DPP6: variants seen among roughly 807,000 people sequenced by gnomAD.
DPP6 encodes the protein dipeptidyl peptidase like 6, also known as A-type potassium channel modulatory protein DPP6.
In DPP6, 69 loss-of-function variants were observed where a neutral mutation model predicts 122.6. The ratio of observed to expected loss-of-function variants is 0.56; its 90% confidence interval spans 0.46 to 0.69. The LOEUF is 0.69. DPP6 is among the 30% of genes least tolerant of loss of function. The probability of loss-of-function intolerance (pLI) is 0.00; values close to 1 mark genes in which losing one functional copy is unlikely to be tolerated. For missense variants in DPP6, 928 were observed against 1,116.9 expected (o/e 0.83, Z 2.41); for synonymous variants, 418 against 433.1 (o/e 0.97, Z 0.43).
intron 1 of DPP6, among the ~76,000 whole-genome samples, chr7:154,375,653 C>G (rs1424032158): frequency 6.6e-6 from 1 of 152,126 alleles, no homozygotes; most frequent in Non-Finnish European, 1.5e-5. Flanking sequence ...ATCCACAAGC[C>G]AGGAAGTGAG....
chr7:154,052,138 T>C (rs1336639530), upstream of DPP6, among the ~76,000 whole-genome samples: 2,947 of 144,528 alleles, frequency 0.02, 131 homozygotes, highest in Non-Finnish European at 0.027. The surrounding 1 kb of genome is among the most constrained non-coding windows in gnomAD (Gnocchi z 4.8). Context: ...CTACCTTCGG[T>C]GGGGCCGCAG....
chr7:154,360,844 C>T (rs1183667494), intron 1 of DPP6, among the ~76,000 whole-genome samples: 4 of 152,198 alleles, frequency 2.6e-5, no homozygotes, highest in Non-Finnish European at 5.9e-5. Context: ...CCTGCTCTGG[C>T]CCTGCCTTCT....
chr7:153,835,743 C>G, the DPP6 span, among the ~76,000 whole-genome samples: 1 of 152,110 alleles, frequency 6.6e-6, no homozygotes, highest in Non-Finnish European at 1.5e-5. Flanking sequence ...GAACATCATC[C>G]AACGATTGGT....
intron 16 of DPP6, among the ~76,000 whole-genome samples, chr7:154,849,553 T>G (rs1802211064): frequency 6.6e-6 from 1 of 152,218 alleles, no homozygotes. Flanking sequence ...GTCCATCAGT[T>G]CTAACATTCC....
intron 3 of DPP6, among the ~76,000 whole-genome samples, chr7:154,476,621 A>G (rs1221420163): frequency 2.0e-5 from 3 of 152,232 alleles, no homozygotes. Context: ...GACAGTGCAC[A>G]AACTCAGTCT....
intron 2 of DPP6, among the ~76,000 whole-genome samples, chr7:154,451,700 T>A (rs1207811564): frequency 6.6e-6 from 1 of 152,206 alleles, no homozygotes. Flanking sequence ...GGGCAACTGC[T>A]CCTGGAGAAG....
At chr7:153,881,099 T>C in the DPP6 span, among the ~76,000 whole-genome samples, 2 of 152,224 alleles carry the variant, frequency 1.3e-5, no homozygotes, top group Admixed American at 1.3e-4. Context: ...GGCAGCAGCA[T>C]AAATATCCTC....
chr7:154,077,223 A>G (rs576342053), intron 1 of DPP6, among the ~76,000 whole-genome samples: 134 of 152,296 alleles, frequency 8.8e-4, no homozygotes, highest in African/African-American at 2.8e-3. Flanking sequence ...ACTAAAGCCA[A>G]TTAACTTTGT....
At chr7:154,446,104 CT>C in intron 1 of DPP6, 109 bp from the exon 2 acceptor site, 1 of 667,340 alleles carries the variant, frequency 1.5e-6, no homozygotes, top group Non-Finnish European at 2.5e-6. Context: ...GAAGATGCCT[CT>C]TTCACTGTTT....
chr7:154,431,455 TC>T (rs1818375618), intron 1 of DPP6, among the ~76,000 whole-genome samples: 4 of 8,782 alleles, frequency 4.6e-4, no homozygotes, highest in African/African-American at 2.0e-3. Context: ...TCTTTTCTTT[TC>T]TTTTCTTTTC....
the DPP6 span, among the ~76,000 whole-genome samples, chr7:153,843,259 GAC>G: frequency 3.8e-4 from 52 of 138,208 alleles, 1 homozygote; most frequent in East Asian, 1.8e-3. Context: ...TGTGCATACA[GAC>G]ACACACGCAT....
chr7:154,457,972 TA>T (rs535276505), intron 2 of DPP6, among the ~76,000 whole-genome samples: 465 of 13,944 alleles, frequency 0.033, 105 homozygotes, highest in African/African-American at 0.051. Context: ...TAGAGTATAA[TA>T]AAAAAAAAAA....
At chr7:153,876,318 A>G in the DPP6 span, among the ~76,000 whole-genome samples, 1 of 152,040 alleles carries the variant, frequency 6.6e-6, no homozygotes, top group Non-Finnish European at 1.5e-5. Flanking sequence ...ATACAGAAAT[A>G]CTACATCTGT....
intron 16 of DPP6, among the ~76,000 whole-genome samples, chr7:154,847,645 C>T (rs988822798): frequency 6.6e-6 from 1 of 152,136 alleles, no homozygotes; most frequent in African/African-American, 2.4e-5. Flanking sequence ...TGTCACTTCA[C>T]GCATTTATCA....
intron 1 of DPP6, among the ~76,000 whole-genome samples, chr7:154,398,734 C>T (rs1815314636): frequency 6.6e-6 from 1 of 152,108 alleles, no homozygotes; most frequent in Non-Finnish European, 1.5e-5. Flanking sequence ...GAGTACCAGA[C>T]TCTGGTGTCT....
chr7:154,221,299 C>A (rs1187843621), intron 1 of DPP6, among the ~76,000 whole-genome samples: 2 of 152,144 alleles, frequency 1.3e-5, no homozygotes, highest in Non-Finnish European at 2.9e-5. Flanking sequence ...TGCCACCATG[C>A]CCAGCTAATT....
In DPP6 at chr7:154,443,357, A is replaced by C. The variant is rs202112228; in HGVS notation, c.244-2857A>C. Among the ~76,000 whole-genome samples the C allele has an allele frequency of 6.0e-5, 6 of 100,472 alleles. No homozygotes were observed. The South Asian group carries it at 1.5e-3, about 24-fold the overall frequency. The allele number at this position is 100,472 out of a possible 152,430, so 65.9% of individuals were successfully genotyped here. A position where few individuals can be genotyped will look rare whatever the true frequency, so the allele number is the denominator to read the frequency against. On this transcript the variant is annotated intron_variant, in intron 1 of 25. Coordinates refer to ENST00000377770, the MANE Select transcript of DPP6 (RefSeq NM_130797.4). ...GCACTAGATTACAAGAAAAAAAATG[A>C]AAAAAAAAATGAAAGCCATTCAACT...
chr7:154,101,935 CAAAAAAAAAAAA>C (rs915468915), intron 1 of DPP6, among the ~76,000 whole-genome samples: 1 of 40,828 alleles, frequency 2.4e-5, no homozygotes, highest in Non-Finnish European at 4.9e-5. Context: ...TACTCCATCT[CAAAAAAAAAAAA>C]AAAAAAAAAA....
In DPP6 at chr7:153,964,802, CTTTCCTTTCCTTTCCTTTCCTTTCCT is replaced by C. The variant is rs1392505432; in HGVS notation, c.51+77077_51+77102del. Among the ~76,000 whole-genome samples the C allele has an allele frequency of 3.1e-3, 152 of 48,498 alleles. 17 individuals are homozygous for C. Among genetic ancestry groups the C allele is most frequent in the African/African-American group, 0.02 (141 of 7,146 alleles). 31.8% of individuals were successfully genotyped at this position (48,498 alleles called of 152,430 possible). A position where few individuals can be genotyped will look rare whatever the true frequency, so the allele number is the denominator to read the frequency against. ...GGCTCCTTTCCTTTCCTTTCCTTTC[CTTTCCTTTCCTTTCCTTTCCTTTCCT>C]TTTCCTTTTCCTTTTCCTTTTCCTT... On this transcript the variant is annotated intron_variant, in intron 1 of 25. Transcript: ENST00000404039.
Sources: gnomAD v4.1 joint callset for allele counts (sites outside exome capture counted in the v4.1 genomes callset) on GRCh38, gnomAD v4.1.1 for gene constraint, Gnocchi (gnomAD v3.1) non-coding constraint, MANE v1.5 for transcripts, NCBI Gene and HGNC (gene_info 2026-07-23, HGNC 2026-07-21) for gene names.